Variants in MARCHF10 observed in about 807,000 individuals in gnomAD.
MARCHF10 encodes the protein membrane associated ring-CH-type finger 10.
A neutral mutation model predicts 76.2 loss-of-function variants in MARCHF10; 64 were observed. The observed-to-expected ratio is 0.84, with a 90% CI of 0.69 to 1.03. The LOEUF (loss-of-function observed/expected upper bound fraction) is 1.03. Among genes scored for constraint, MARCHF10 ranks in the 50% least tolerant of loss-of-function variants. The pLI is 0.00. For missense variants in MARCHF10, 875 were observed against 958.0 expected (o/e 0.91, Z 1.14); for synonymous variants, 340 against 357.5 (o/e 0.95, Z 0.55).
chr17:62,705,541 TC>T lies in MARCHF10; in HGVS notation c.2368del (p.Glu790LysfsTer51). ...CAGGACTGGCCCCCAAAACCTACTTTCATTTTCCTCTGTTCTGGGTTGTGGG... is the reference window on the plus strand; with the variant it reads ...CAGGACTGGCCCCCAAAACCTACTTTATTTTCCTCTGTTCTGGGTTGTGGG... ...NYPQPRTEEN[E>X]NSELGDGNEG... On this transcript the variant is annotated frameshift_variant, in exon 10 of 11. Transcript: ENST00000311269. LOFTEE classifies it high-confidence loss of function. 1 of 1,614,214 alleles carries T rather than the reference TC, an allele frequency of 6.2e-7. No homozygotes were observed. The highest frequency in any genetic ancestry group is 8.5e-7 in the Non-Finnish European group (1 of 1,180,032).
At chr17:62,725,308 G>C (rs1278501212) in intron 6 of MARCHF10, among the ~76,000 whole-genome samples, 1 of 152,118 alleles carries the variant, frequency 6.6e-6, no homozygotes, top group African/African-American at 2.4e-5. Context: ...CCGTTGCCCA[G>C]GCCGGAGTGC....
At chr17:62,757,535 C>T (rs2092081080) in intron 4 of MARCHF10, among the ~76,000 whole-genome samples, 1 of 152,124 alleles carries the variant, frequency 6.6e-6, no homozygotes, top group Non-Finnish European at 1.5e-5. Flanking sequence ...ATTAGGGAGC[C>T]CAGAGGGTGA....
Position 62,759,833 on chromosome 17 carries a change from A to C in MARCHF10, c.382+2T>G, listed in dbSNP as rs566099961. 17 of 1,612,074 alleles carry C rather than the reference A, an allele frequency of 1.1e-5. No individual in the cohort carries two copies. The South Asian group carries it at 1.7e-4, about 16-fold the overall frequency. ...ATGAATTTCAATAAGCCAGCCACTC[A>C]CCTGGAGAGGGTTCGCTGGGGTCCA... On this transcript the variant is annotated splice_donor_variant, in intron 4 of 10. Transcript: ENST00000311269. LOFTEE classifies it high-confidence loss of function.
At chr17:62,775,809 T>G (rs528405147) in intron 3 of MARCHF10, among the ~76,000 whole-genome samples, 27 of 124,604 alleles carry the variant, frequency 2.2e-4, no homozygotes, top group African/African-American at 7.0e-4. Context: ...TTTTAACGTC[T>G]TTTCAATTAT....
chr17:62,759,691 G>A, intron 4 of MARCHF10, 144 bp downstream of exon 4: 1 of 726,966 alleles, frequency 1.4e-6, no homozygotes. Flanking sequence ...GGCTGGTCTT[G>A]GACTCCTGAC....
At chr17:62,749,510 A>G (rs1346019175) in intron 4 of MARCHF10, among the ~76,000 whole-genome samples, 1 of 152,196 alleles carries the variant, frequency 6.6e-6, no homozygotes, top group Non-Finnish European at 1.5e-5. Flanking sequence ...TAATCGCAGG[A>G]GCCAATGTTG....
In MARCHF10 at chr17:62,705,324, A is replaced by T. The variant is rs1418060774; in HGVS notation, c.2371+215T>A. 3 of 1,478,920 alleles carry T rather than the reference A, an allele frequency of 2.0e-6. No individual in the cohort carries two copies. In the Admixed American group the frequency reaches 8.3e-5, roughly 41 times the overall value. The allele number at this position is 1,478,920 out of a possible 1,614,324, so 91.6% of individuals were successfully genotyped here. ...GTTGGCGCCTTTCCTTGCGTTCAGG[A>T]TGAATTAAAATTCTTATCTGCTCTG... On this transcript the variant is annotated intron_variant, in intron 10 of 10. Transcript: ENST00000311269.
At chr17:62,806,453 A>C (rs1293570010) in intron 1 of MARCHF10, 1 of 152,226 alleles carries the variant, frequency 6.6e-6, no homozygotes, top group African/African-American at 2.4e-5. Flanking sequence ...CTTAATTTAA[A>C]ACCCACTCAT....
intron 1 of MARCHF10, among the ~76,000 whole-genome samples, chr17:62,802,753 A>T (rs2093096959): frequency 6.6e-6 from 1 of 152,128 alleles, no homozygotes; most frequent in Non-Finnish European, 1.5e-5. Context: ...TTCAGGCATG[A>T]AGGAGCAGGT....
intron 5 of MARCHF10, among the ~76,000 whole-genome samples, chr17:62,743,459 A>G (rs1206029481): frequency 6.6e-6 from 1 of 152,168 alleles, no homozygotes; most frequent in Non-Finnish European, 1.5e-5. Context: ...ACGGGCCAAC[A>G]TGGTGAAACC....
chr17:62,783,734 T>C (rs2092701735), intron 3 of MARCHF10, among the ~76,000 whole-genome samples: 1 of 152,084 alleles, frequency 6.6e-6, no homozygotes, highest in African/African-American at 2.4e-5. Context: ...CATCAGAGAA[T>C]ACTATAAACA....
In MARCHF10 at chr17:62,738,060, T is replaced by TCTCA. The variant is rs371710783; in HGVS notation, c.536-729_536-728insTGAG. 4 of 127,312 alleles carry TCTCA rather than the reference T, an allele frequency of 3.1e-5. No homozygotes were observed. The highest frequency in any genetic ancestry group is 2.8e-4 in the South Asian group (1 of 3,532). The allele number at this position is 127,312 out of a possible 1,614,324, so 7.9% of individuals were successfully genotyped here. A position where few individuals can be genotyped will look rare whatever the true frequency, so the allele number is the denominator to read the frequency against. ...AACTGTCTCTCTCTGTCTCTCTCTG[T>TCTCA]CACACACACACACACACACACACAC... On this transcript the variant is annotated intron_variant, in intron 5 of 10. Transcript: ENST00000311269. This position sits in a 1 kb window ranked among gnomAD's most constrained non-coding sequence, Gnocchi z 4.0.
At chr17:62,723,573 T>TTTTTTTTTTTTTTTTTTTTTTTC (rs2090606504) in intron 7 of MARCHF10, among the ~76,000 whole-genome samples, 1 of 147,832 alleles carries the variant, frequency 6.8e-6, no homozygotes, top group African/African-American at 2.5e-5. Flanking sequence ...TTTTTTTTTT[T>TTTTTTTTTTTTTTTTTTTTTTTC]TTTTTAGCGT....
At chr17:62,793,721 A>C (rs1464574144) in intron 2 of MARCHF10, among the ~76,000 whole-genome samples, 17 of 122,450 alleles carry the variant, frequency 1.4e-4, no homozygotes, top group Admixed American at 4.2e-4. Flanking sequence ...CATCATCTCC[A>C]TCACCACCAC....
chr17:62,771,306 T>C (rs1378790741), intron 3 of MARCHF10, among the ~76,000 whole-genome samples: 1 of 151,922 alleles, frequency 6.6e-6, no homozygotes, highest in East Asian at 1.9e-4. Flanking sequence ...GACCTCCCTA[T>C]GGAAGTGACC....
chr17:62,765,603 T>C (rs1022299807), intron 3 of MARCHF10, among the ~76,000 whole-genome samples: 3 of 152,106 alleles, frequency 2.0e-5, no homozygotes, highest in South Asian at 2.1e-4. Context: ...AGGAGAGGCA[T>C]GTGGGTCTGC....
At position 62,736,222 on chromosome 17, in the gene MARCHF10, A is replaced by G; in HGVS notation, c.1646T>C (p.Leu549Ser). 1 of 1,614,208 alleles carries G rather than the reference A, an allele frequency of 6.2e-7. No homozygotes were observed. Among genetic ancestry groups the G allele is most frequent in the East Asian group, 2.2e-5 (1 of 44,884 alleles). The change falls in exon 6 of 11, where the codon TTA (leucine) becomes TCA (serine). Residue 549 changes from leucine to serine, a missense_variant. By Grantham distance (145) the Leu-to-Ser change is moderately radical (BLOSUM62 -2). Coordinates refer to ENST00000311269, the MANE Select transcript of MARCHF10 (RefSeq NM_152598.4). Reference sequence around the variant, plus strand: ...TGGAGCCCCCTGAGGCTGGCTTGTTAAAGTAGTATCTTCTGCTTCCCTGAC... The same window carrying G: ...TGGAGCCCCCTGAGGCTGGCTTGTTGAAGTAGTATCTTCTGCTTCCCTGAC... ...FAVREAEDTT[L>S]TSQPQGAPLY...
chr17:62,754,148 C>T (rs1468524381), intron 4 of MARCHF10, among the ~76,000 whole-genome samples: 1 of 152,198 alleles, frequency 6.6e-6, no homozygotes, highest in African/African-American at 2.4e-5. Context: ...TCTCGGCTCA[C>T]TGCAACCTCC....
chr17:62,708,731 G>T (rs906602422), intron 9 of MARCHF10, among the ~76,000 whole-genome samples: 1 of 152,116 alleles, frequency 6.6e-6, no homozygotes, highest in African/African-American at 2.4e-5. Flanking sequence ...AAATCATTTG[G>T]GACGTCAGTA....
Sources: allele counts gnomAD v4.1 joint callset (sites outside exome capture counted in the v4.1 genomes callset), GRCh38; gene constraint gnomAD v4.1.1; non-coding constraint Gnocchi (gnomAD v3.1); transcripts MANE v1.5; gene names NCBI Gene and HGNC (gene_info 2026-07-23, HGNC 2026-07-21).